The following SPOCK1 variants were observed in gnomAD, a reference collection of about 807,000 sequenced individuals.
SPOCK1 encodes the protein testican-1.
SPOCK1 carries 23 observed loss-of-function variants against 55.3 expected under a neutral mutation model. The observed-to-expected ratio is 0.42, with a 90% CI of 0.30 to 0.59. The LOEUF (loss-of-function observed/expected upper bound fraction) is 0.59, where lower values mean the gene tolerates loss of function less well. Among genes scored for constraint, SPOCK1 ranks in the 20% least tolerant of loss-of-function variants. The pLI, the probability that SPOCK1 is intolerant of heterozygous loss-of-function variation, is 0.22. For missense variants in SPOCK1, 499 were observed against 552.5 expected (o/e 0.90, Z 0.97); for synonymous variants, 226 against 221.0 (o/e 1.02, Z -0.20).
chr5:137,035,062 G>A (rs1211513971), intron 6 of SPOCK1, among the ~76,000 whole-genome samples: 2 of 152,186 alleles, frequency 1.3e-5, no homozygotes, highest in Non-Finnish European at 2.9e-5. Context: ...CCCTGTGAGT[G>A]AGGCCACAAG....
At chr5:137,258,650 A>G (rs1334506570) in intron 3 of SPOCK1, among the ~76,000 whole-genome samples, 3 of 152,220 alleles carry the variant, frequency 2.0e-5, no homozygotes. Context: ...CTGTTGTTCT[A>G]GCAGGTGGAT....
intron 3 of SPOCK1, among the ~76,000 whole-genome samples, chr5:137,246,522 C>G (rs1285252246): frequency 6.6e-6 from 1 of 152,206 alleles, no homozygotes; most frequent in Non-Finnish European, 1.5e-5. Flanking sequence ...ATCCTCATTT[C>G]AACTTTCCAT....
At chr5:136,988,674 A>G in intron 7 of SPOCK1, 31 bp from the exon 8 acceptor site, 1 of 1,587,892 alleles carries the variant, frequency 6.3e-7, no homozygotes. Context: ...CTCAGCTGCC[A>G]CCAAGCCTGA....
At chr5:137,480,863 A>G (rs1220305235) in intron 2 of SPOCK1, among the ~76,000 whole-genome samples, 2 of 152,210 alleles carry the variant, frequency 1.3e-5, no homozygotes, top group Non-Finnish European at 2.9e-5. Context: ...ACTCCTGAGC[A>G]TACAAAGGGA....
At chr5:137,065,657 AT>A (rs1208081116) in intron 6 of SPOCK1, among the ~76,000 whole-genome samples, 2 of 152,178 alleles carry the variant, frequency 1.3e-5, no homozygotes, top group Non-Finnish European at 2.9e-5. Context: ...TGTTGGTATT[AT>A]TTTTAATGTT....
At position 137,122,840 on chromosome 5, in the gene SPOCK1, C is replaced by T. The variant is rs73790694; in HGVS notation, c.348-10279G>A. 2.7e-3 allele frequency among the ~76,000 whole-genome samples: 415 copies of T among 152,348 alleles called. 3 individuals carry two copies. Among genetic ancestry groups the T allele is most frequent in the African/African-American group, 9.2e-3 (382 of 41,568 alleles). On this transcript the variant is annotated intron_variant, in intron 4 of 10. Transcript: ENST00000394945. ...TCTTGGAAAACACTTGCTTACATTC[C>T]TTGAGGGCAATTAATTATCATGGGA...
At chr5:137,271,298 C>T (rs1430059664) in intron 2 of SPOCK1, among the ~76,000 whole-genome samples, 1 of 150,822 alleles carries the variant, frequency 6.6e-6, no homozygotes, top group African/African-American at 2.4e-5. Context: ...AGGAATTTAA[C>T]TATTAATGCT....
chr5:137,334,080 C>CCT (rs561483910), intron 2 of SPOCK1, among the ~76,000 whole-genome samples: 24 of 152,250 alleles, frequency 1.6e-4, no homozygotes, highest in African/African-American at 5.8e-4. Context: ...TGGAGGCATT[C>CCT]CTCTCTCCCT....
intron 2 of SPOCK1, among the ~76,000 whole-genome samples, chr5:137,408,654 ATTTAC>A (rs939051788): frequency 2.6e-5 from 4 of 152,102 alleles, no homozygotes; most frequent in Admixed American, 6.5e-5. Flanking sequence ...TCTGGACCCC[ATTTAC>A]TTTATTTTTT....
intron 3 of SPOCK1, among the ~76,000 whole-genome samples, chr5:137,198,028 GT>G (rs1189136061): frequency 1.3e-5 from 2 of 152,012 alleles, no homozygotes; most frequent in Admixed American, 6.6e-5. Context: ...ATAATAGAGT[GT>G]TTTTTTCGTT....
chr5:137,460,717 C>T (rs1753469244), intron 2 of SPOCK1, among the ~76,000 whole-genome samples: 1 of 151,804 alleles, frequency 6.6e-6, no homozygotes, highest in Non-Finnish European at 1.5e-5. Context: ...GAATCCAATT[C>T]CTTACACTGA....
At chr5:137,402,333 T>C (rs981882661) in intron 2 of SPOCK1, among the ~76,000 whole-genome samples, 9 of 152,220 alleles carry the variant, frequency 5.9e-5, no homozygotes, top group African/African-American at 9.6e-5. Context: ...TATAACAAAA[T>C]AGACTTGCAC....
At chr5:137,148,807 G>T (rs1754256092) in intron 3 of SPOCK1, among the ~76,000 whole-genome samples, 1 of 152,148 alleles carries the variant, frequency 6.6e-6, no homozygotes, top group Admixed American at 6.5e-5. Flanking sequence ...AGTGAGCCTG[G>T]ATTTTAATCT....
chr5:137,012,622 G>T (rs939153125), intron 6 of SPOCK1, among the ~76,000 whole-genome samples: 1 of 152,112 alleles, frequency 6.6e-6, no homozygotes, highest in Non-Finnish European at 1.5e-5. Context: ...CAAACTCTCA[G>T]CCAGAAGGTT....
chr5:137,289,551 C>T (rs540313731), intron 2 of SPOCK1, among the ~76,000 whole-genome samples: 126 of 152,280 alleles, frequency 8.3e-4, no homozygotes, highest in African/African-American at 2.8e-3. Context: ...CAACAAGTTT[C>T]CCAGCTAGAG....
chr5:137,491,304 A>G (rs1017879316), intron 2 of SPOCK1, among the ~76,000 whole-genome samples: 7 of 152,158 alleles, frequency 4.6e-5, no homozygotes, highest in African/African-American at 7.2e-5. Context: ...GGGGGGTTGC[A>G]TTTCCCTGCT....
At chr5:137,208,639 A>C (rs954087388) in intron 3 of SPOCK1, among the ~76,000 whole-genome samples, 5 of 152,162 alleles carry the variant, frequency 3.3e-5, no homozygotes, top group Non-Finnish European at 7.4e-5. Context: ...TCTCACTTAT[A>C]AGTGGGGGCT....
At chr5:137,192,500 C>G (rs1755202812) in intron 3 of SPOCK1, among the ~76,000 whole-genome samples, 1 of 152,094 alleles carries the variant, frequency 6.6e-6, no homozygotes, top group African/African-American at 2.4e-5. Flanking sequence ...AGGATTTTTC[C>G]CACTCCTGAG....
chr5:137,422,560 C>T (rs1439822759), intron 2 of SPOCK1, among the ~76,000 whole-genome samples: 1 of 152,224 alleles, frequency 6.6e-6, no homozygotes, highest in East Asian at 1.9e-4. Context: ...GATACCCTTT[C>T]TTCCAGTTGA....
Sources: allele counts gnomAD v4.1 joint callset (sites outside exome capture counted in the v4.1 genomes callset), GRCh38; gene constraint gnomAD v4.1.1; transcripts MANE v1.5; gene names NCBI Gene and HGNC (gene_info 2026-07-23, HGNC 2026-07-21).